Variants in TMEM178B observed in about 807,000 individuals in gnomAD.
TMEM178B encodes the protein transmembrane protein 178B.
A neutral mutation model predicts 31.0 loss-of-function variants in TMEM178B; 5 were observed. The ratio of observed to expected loss-of-function variants is 0.16; its 90% CI spans 0.08 to 0.34. The LOEUF is 0.34. Ranked by LOEUF, TMEM178B falls within the 10% of genes least tolerant of loss-of-function variation. The probability of loss-of-function intolerance (pLI) is 1.00; values close to 1 mark genes in which losing one functional copy is unlikely to be tolerated. For synonymous variants in TMEM178B, 164 were observed against 164.0 expected (o/e 1.00, Z 0.00); for missense variants, 275 against 400.3 (o/e 0.69, Z 2.67).
chr7:141,308,717 A>G (rs1464098915), intron 2 of TMEM178B, among the ~76,000 whole-genome samples: 3 of 152,196 alleles, frequency 2.0e-5, no homozygotes, highest in Non-Finnish European at 4.4e-5. Context: ...AAAACCATGC[A>G]TCCGGCCCAA....
intron 2 of TMEM178B, among the ~76,000 whole-genome samples, chr7:141,339,484 C>T (rs1799480465): frequency 6.6e-6 from 1 of 152,052 alleles, no homozygotes; most frequent in Non-Finnish European, 1.5e-5. Context: ...AGCAGGGGGT[C>T]AGAAAACCAA....
At chr7:141,359,269 C>A (rs1418151091) in intron 2 of TMEM178B, among the ~76,000 whole-genome samples, 1 of 152,196 alleles carries the variant, frequency 6.6e-6, no homozygotes, top group African/African-American at 2.4e-5. Flanking sequence ...ATCATTTCTG[C>A]CCCAGGGTAT....
chr7:141,359,246 G>A (rs1254206960), intron 2 of TMEM178B, among the ~76,000 whole-genome samples: 5 of 152,252 alleles, frequency 3.3e-5, no homozygotes, highest in Admixed American at 3.3e-4. Context: ...TTTGGTCTTA[G>A]TGAGATGTGT....
At chr7:141,229,805 T>A (rs35636974) in intron 2 of TMEM178B, among the ~76,000 whole-genome samples, 6,846 of 151,262 alleles carry the variant, frequency 0.045, 229 homozygotes, top group East Asian at 0.14. Flanking sequence ...TGAGCCTAGG[T>A]GTTTGAGGCT....
chr7:141,103,817 G>A (rs1369774598), intron 1 of TMEM178B, among the ~76,000 whole-genome samples: 1 of 152,006 alleles, frequency 6.6e-6, no homozygotes, highest in Non-Finnish European at 1.5e-5. Flanking sequence ...AGATTTATTG[G>A]CAGATTTTAC....
In TMEM178B at chr7:141,313,881, CT is replaced by C. The variant is rs538539279; in HGVS notation, c.496+101178del. 1.8e-3 allele frequency among the ~76,000 whole-genome samples: 271 copies of C among 152,236 alleles called. 2 individuals carry two copies. Among genetic ancestry groups the C allele is most frequent in the African/African-American group, 6.0e-3 (251 of 41,556 alleles). ...GAGGCACACTTTTGTTAGGACCCCC[CT>C]GATGAGACCAAGAAATCAGCATGTG... On this transcript the variant is annotated intron_variant, in intron 2 of 3. Transcript: ENST00000565468.
At chr7:141,442,685 A>G (rs1489206849) in intron 3 of TMEM178B, among the ~76,000 whole-genome samples, 2 of 152,074 alleles carry the variant, frequency 1.3e-5, no homozygotes, top group Non-Finnish European at 2.9e-5. Context: ...CATTTTTCCA[A>G]TTCAGGTTCC....
intron 2 of TMEM178B, among the ~76,000 whole-genome samples, chr7:141,433,787 C>T (rs1212668288): frequency 6.6e-6 from 1 of 152,142 alleles, no homozygotes; most frequent in Non-Finnish European, 1.5e-5. Flanking sequence ...TTGCAGCTTC[C>T]CTGAGTTACC....
At chr7:141,224,854 T>C (rs1210852515) in intron 2 of TMEM178B, among the ~76,000 whole-genome samples, 1 of 152,208 alleles carries the variant, frequency 6.6e-6, no homozygotes, top group African/African-American at 2.4e-5. Flanking sequence ...TGAATGAGGT[T>C]GAAATGGCTG....
rs113083218 is a variant in TMEM178B, at chr7:141,286,754, G to A, written c.496+74050G>A. Among the ~76,000 whole-genome samples the A allele has an allele frequency of 8.5e-3, 1,297 of 152,264 alleles. 21 individuals carry two copies. Among genetic ancestry groups the A allele is most frequent in the African/African-American group, 0.028 (1,166 of 41,540 alleles). On this transcript the variant is annotated intron_variant, in intron 2 of 3. Transcript: ENST00000565468. ...AGAAGAATGTGGAGAGTCCTCCAGA[G>A]TTTGTTGTGTTGGTATTTGGCTTGT...
intron 2 of TMEM178B, among the ~76,000 whole-genome samples, chr7:141,345,339 G>A (rs905833649): frequency 6.6e-6 from 1 of 152,190 alleles, no homozygotes; most frequent in African/African-American, 2.4e-5. Flanking sequence ...CAAACAACTC[G>A]AGATTGATAA....
chr7:141,174,489 G>A (rs545682158), intron 1 of TMEM178B, among the ~76,000 whole-genome samples: 1 of 152,154 alleles, frequency 6.6e-6, no homozygotes, highest in African/African-American at 2.4e-5. Context: ...TAATGGGATT[G>A]CTGGGTCAAA....
At chr7:141,076,296 G>GT (rs1563081316) in intron 1 of TMEM178B, among the ~76,000 whole-genome samples, 1 of 152,218 alleles carries the variant, frequency 6.6e-6, no homozygotes, top group Non-Finnish European at 1.5e-5. Context: ...GATTTATAAA[G>GT]TGTTATTTTA....
chr7:141,241,590 C>CAA (rs766018973), intron 2 of TMEM178B, among the ~76,000 whole-genome samples: 8,020 of 75,442 alleles, frequency 0.11, 455 homozygotes, highest in East Asian at 0.35. Flanking sequence ...GACTTCGTCT[C>CAA]AAAAAAAAAA....
In TMEM178B at chr7:141,473,718, T is replaced by TAA. The variant is rs1261670825; in HGVS notation, c.*2934_*2935dup. On this transcript the variant is annotated 3_prime_UTR_variant, in exon 4 of 4. Transcript: ENST00000565468. ...TGACTTCTTTGATAGCAGGACCAGA[T>TAA]AAATACGAACACACTTTGGGATCTG... is the stretch of plus-strand genomic sequence containing the variant. The TAA allele has an allele frequency of 6.6e-6, 1 of 152,170 alleles. No homozygotes were observed. The highest frequency in any genetic ancestry group is 1.5e-5 in the Non-Finnish European group (1 of 68,042). The allele number at this position is 152,170 out of a possible 1,614,324, so 9.4% of individuals were successfully genotyped here.
intron 2 of TMEM178B, among the ~76,000 whole-genome samples, chr7:141,259,277 A>T (rs1379627609): frequency 6.6e-6 from 1 of 152,144 alleles, no homozygotes; most frequent in African/African-American, 2.4e-5. Flanking sequence ...ATATCTTTTA[A>T]CCCCAGAATC....
At chr7:141,438,501 A>G (rs1249970400) in intron 3 of TMEM178B, among the ~76,000 whole-genome samples, 1 of 151,760 alleles carries the variant, frequency 6.6e-6, no homozygotes, top group Admixed American at 6.6e-5. Flanking sequence ...GTCCATCACC[A>G]TCTACCCCTC....
At chr7:141,399,685 G>A (rs1315311574) in intron 2 of TMEM178B, among the ~76,000 whole-genome samples, 4 of 152,096 alleles carry the variant, frequency 2.6e-5, no homozygotes, top group Non-Finnish European at 5.9e-5. Context: ...TGGTTTATGG[G>A]CATCATTTTG....
chr7:141,309,175 C>G (rs937855661), intron 2 of TMEM178B, among the ~76,000 whole-genome samples: 2 of 152,104 alleles, frequency 1.3e-5, no homozygotes, highest in African/African-American at 2.4e-5. Context: ...AAATAAAAAT[C>G]ACCTGTATCT....
Sources: allele counts gnomAD v4.1 joint callset (sites outside exome capture counted in the v4.1 genomes callset), GRCh38; gene constraint gnomAD v4.1.1; transcripts MANE v1.5; gene names NCBI Gene and HGNC (gene_info 2026-07-23, HGNC 2026-07-21).